The following RBFOX1 variants were observed in gnomAD, a reference collection of about 807,000 sequenced individuals.
The protein encoded by RBFOX1 is RNA binding protein fox-1 homolog 1.
In RBFOX1, 8 loss-of-function variants were observed where a neutral mutation model predicts 57.7. The ratio of observed to expected loss-of-function variants is 0.14; its 90% CI spans 0.08 to 0.25. The LOEUF is 0.25. Ranked by LOEUF, RBFOX1 falls within the 10% of genes least tolerant of loss-of-function variation. The pLI is 1.00. For synonymous variants in RBFOX1, 326 were observed against 222.4 expected (o/e 1.47, Z -4.15); for missense variants, 611 against 548.5 (o/e 1.11, Z -1.14).
intron 4 of RBFOX1, among the ~76,000 whole-genome samples, chr16:7,151,010 T>C (rs1173336887): frequency 6.6e-6 from 1 of 152,220 alleles, no homozygotes; most frequent in South Asian, 2.1e-4. Flanking sequence ...TGAAAGCAGA[T>C]ACGCTCCTTT....
chr16:6,001,173 C>G (rs534479342), intron 4 of RBFOX1, among the ~76,000 whole-genome samples: 118 of 152,298 alleles, frequency 7.7e-4, no homozygotes, highest in Non-Finnish European at 1.3e-3. Context: ...AATATTTGAC[C>G]AACTGGAGAA....
In RBFOX1 at chr16:7,399,616, C is replaced by T. The variant is rs180729261; in HGVS notation, c.28-118531C>T. ...CATTTCTGGGCTTGTAGATGCATCTCGTCCATTTCTGCCTCCATCTTCATA... is the reference window on the plus strand; with the variant it reads ...CATTTCTGGGCTTGTAGATGCATCTTGTCCATTTCTGCCTCCATCTTCATA... On this transcript the variant is annotated intron_variant, in intron 4 of 15. Coordinates refer to ENST00000550418, the MANE Select transcript of RBFOX1 (RefSeq NM_018723.4). 5.9e-5 allele frequency among the ~76,000 whole-genome samples: 9 copies of T among 152,222 alleles called. No individual in the cohort carries two copies. The East Asian group carries it at 9.7e-4, about 16-fold the overall frequency.
intron 3 of RBFOX1, among the ~76,000 whole-genome samples, chr16:6,787,428 ATTATT>A (rs1473524437): frequency 2.0e-5 from 3 of 152,146 alleles, no homozygotes; most frequent in Non-Finnish European, 4.4e-5. Context: ...GATTTCCAAA[ATTATT>A]TTATTTTTCT....
chr16:6,947,544 A>C (rs1228293565), intron 3 of RBFOX1, among the ~76,000 whole-genome samples: 1 of 152,148 alleles, frequency 6.6e-6, no homozygotes, highest in East Asian at 1.9e-4. Flanking sequence ...TCCTCCTGAA[A>C]CATGAATGGA....
intron 3 of RBFOX1, among the ~76,000 whole-genome samples, chr16:6,831,855 G>T (rs7199165): frequency 0.015 from 2,281 of 152,220 alleles, 72 homozygotes; most frequent in African/African-American, 0.053. Context: ...TGAATGCTAG[G>T]GAGCATCATT....
chr16:5,284,745 T>C (rs2063350464), intron 1 of RBFOX1, among the ~76,000 whole-genome samples: 1 of 139,544 alleles, frequency 7.2e-6, no homozygotes, highest in Admixed American at 7.6e-5. Flanking sequence ...GGTATAGTAG[T>C]TTTGGCTTAG....
chr16:7,127,794 C>A (rs951479623), intron 4 of RBFOX1, among the ~76,000 whole-genome samples: 2 of 152,176 alleles, frequency 1.3e-5, no homozygotes, highest in African/African-American at 4.8e-5. Flanking sequence ...CTTGGCACAT[C>A]TTGGTAGGAT....
chr16:5,325,561 C>G (rs1025304397), intron 1 of RBFOX1, among the ~76,000 whole-genome samples: 1 of 152,196 alleles, frequency 6.6e-6, no homozygotes, highest in African/African-American at 2.4e-5. Flanking sequence ...TCCATCCACC[C>G]CCAAACACTA....
intron 3 of RBFOX1, among the ~76,000 whole-genome samples, chr16:6,833,822 G>A (rs905437418): frequency 6.6e-6 from 1 of 152,154 alleles, no homozygotes; most frequent in Non-Finnish European, 1.5e-5. Flanking sequence ...GTAGGAATTA[G>A]ATAGGAAGAG....
intron 3 of RBFOX1, among the ~76,000 whole-genome samples, chr16:5,830,661 G>A (rs1355836249): frequency 6.6e-6 from 1 of 152,152 alleles, no homozygotes; most frequent in Middle Eastern, 3.2e-3. Context: ...GATCTTTGAG[G>A]CCAGATCAAA....
At chr16:6,879,722 A>G (rs575162268) in intron 3 of RBFOX1, among the ~76,000 whole-genome samples, 41 of 152,232 alleles carry the variant, frequency 2.7e-4, no homozygotes, top group African/African-American at 9.2e-4. Flanking sequence ...TGTGGAAGTA[A>G]ATTCTACCTC....
rs1267478834 is a variant in RBFOX1, at chr16:7,259,606, C to T, written c.27+207508C>T. 2.0e-5 allele frequency among the ~76,000 whole-genome samples: 3 copies of T among 151,834 alleles called. No individual in the cohort carries two copies. In the East Asian group the frequency reaches 5.8e-4, roughly 29 times the overall value. ...AGATAAAAAGTAGTTTAAACTCCAA[C>T]ACTTTCTCTGTATTTTTTATTATTT... On this transcript the variant is annotated intron_variant, in intron 4 of 15. Transcript: ENST00000550418.
At chr16:7,300,330 A>G (rs944366358) in intron 4 of RBFOX1, among the ~76,000 whole-genome samples, 3 of 152,138 alleles carry the variant, frequency 2.0e-5, no homozygotes, top group African/African-American at 7.2e-5. Context: ...ATCAGCACTA[A>G]CTAAATATGA....
chr16:6,665,466 T>TA (rs1264501465), intron 3 of RBFOX1, among the ~76,000 whole-genome samples: 1 of 151,866 alleles, frequency 6.6e-6, no homozygotes, highest in Admixed American at 6.6e-5. Context: ...ATAAAAAATA[T>TA]AAAAAAATAT....
Position 7,316,605 on chromosome 16 carries a change from G to A in RBFOX1, c.28-201542G>A, listed in dbSNP as rs976514308. Among the ~76,000 whole-genome samples the A allele has an allele frequency of 2.0e-5, 3 of 152,150 alleles. No homozygotes were observed. The East Asian group carries it at 5.8e-4, about 29-fold the overall frequency. On this transcript the variant is annotated intron_variant, in intron 4 of 15. Coordinates refer to ENST00000550418, the MANE Select transcript of RBFOX1 (RefSeq NM_018723.4). ...AGTCTGTGGGAGAGAGACAGCCCATGAGCAAGTGATCATCACATAACTGTG... is the reference window on the plus strand; with the variant it reads ...AGTCTGTGGGAGAGAGACAGCCCATAAGCAAGTGATCATCACATAACTGTG...
intron 1 of RBFOX1, among the ~76,000 whole-genome samples, chr16:5,412,962 G>A (rs987301915): frequency 2.0e-5 from 3 of 152,336 alleles, no homozygotes; most frequent in Admixed American, 6.5e-5. Context: ...CATCTCACTC[G>A]CTGAAGGACG....
At position 6,245,527 on chromosome 16, in the gene RBFOX1, G is replaced by A. The variant is rs142888068; in HGVS notation, c.-126-71468G>A. Among the ~76,000 whole-genome samples the A allele has an allele frequency of 9.2e-4, 140 of 152,158 alleles. 1 individual carries two copies. Among genetic ancestry groups the A allele is most frequent in the Middle Eastern group, 3.4e-3 (1 of 294 alleles). On this transcript the variant is annotated intron_variant, in intron 1 of 15. Transcript: ENST00000550418. ...TGCCCTTTGCCTCTAGGGATACCAC[G>A]GTCTGCAGTGCAACATCTAGCAGGT...
intron 4 of RBFOX1, among the ~76,000 whole-genome samples, chr16:7,197,489 T>C (rs1372514814): frequency 3.5e-5 from 5 of 144,644 alleles, no homozygotes; most frequent in Admixed American, 3.4e-4. Flanking sequence ...TGCAGAATTA[T>C]CACAGATAGT....
At chr16:7,496,350 C>T (rs995513953) in intron 4 of RBFOX1, among the ~76,000 whole-genome samples, 2 of 152,140 alleles carry the variant, frequency 1.3e-5, no homozygotes, top group Non-Finnish European at 2.9e-5. Flanking sequence ...ATCATGTTGA[C>T]CAGGCTGGTC....
Sources: gnomAD v4.1 joint callset for allele counts (sites outside exome capture counted in the v4.1 genomes callset) on GRCh38, gnomAD v4.1.1 for gene constraint, MANE v1.5 for transcripts, NCBI Gene and HGNC (gene_info 2026-07-23, HGNC 2026-07-21) for gene names.